ADGRG3: variants seen among roughly 807,000 people sequenced by gnomAD.
The protein encoded by ADGRG3 is G protein-coupled receptor 97.
A neutral mutation model predicts 54.3 loss-of-function variants in ADGRG3; 39 were observed. That is an observed-to-expected ratio of 0.72 (90% confidence interval 0.56 to 0.94). The LOEUF is 0.94. Ranked by LOEUF, ADGRG3 falls within the 40% of genes least tolerant of loss-of-function variation. The probability of loss-of-function intolerance (pLI) is 0.00; values close to 1 mark genes in which losing one functional copy is unlikely to be tolerated. For missense variants in ADGRG3, 654 were observed against 694.6 expected, an observed-to-expected ratio of 0.94 and a Z score of 0.66; for synonymous variants, 312 against 290.0, an observed-to-expected ratio of 1.08 and a Z score of -0.77.
At chr16:57,678,616 CA>C (rs1389715504) in intron 4 of ADGRG3, 1 of 460,764 alleles carries the variant, frequency 2.2e-6, no homozygotes, top group African/African-American at 1.9e-5. Flanking sequence ...CATGCACAAA[CA>C]TGCACATCCT....
chr16:57,676,099 T>C (rs2048257791), intron 2 of ADGRG3, 101 bp from the exon 3 acceptor site: 15 of 1,105,242 alleles, frequency 1.4e-5, no homozygotes, highest in Non-Finnish European at 2.0e-5. Context: ...CCAGGGTCTT[T>C]ACTTTGATAG....
At chr16:57,687,217 G>A (rs190165758) in intron 11 of ADGRG3, among the ~76,000 whole-genome samples, 437 of 151,480 alleles carry the variant, frequency 2.9e-3, no homozygotes, top group South Asian at 7.3e-3. Flanking sequence ...CATTCATCGC[G>A]AAATTGGGAT....
At position 57,668,330 on chromosome 16, in the gene ADGRG3, G is replaced by A; in HGVS notation, c.-18G>A. 1 of 1,559,842 alleles carries A rather than the reference G, an allele frequency of 6.4e-7. No homozygotes were observed. Among genetic ancestry groups the A allele is most frequent in the East Asian group, 2.3e-5 (1 of 43,158 alleles). The stretch of plus-strand genomic sequence containing the variant: ...CAGACAGCCACAGAGCTCCTGGCGT[G>A]GGCAAGGCTGGCCAAGGATGGCGAC... On this transcript the variant is annotated 5_prime_UTR_variant, in exon 1 of 12. Transcript: ENST00000333493.
Position 57,685,919 on chromosome 16 carries a change from C to G in ADGRG3, c.1533C>G (p.Ser511=). 6.2e-7 allele frequency: 1 copy of G among 1,613,660 alleles called. No homozygotes were observed. Among genetic ancestry groups the G allele is most frequent in the South Asian group, 1.1e-5 (1 of 91,078 alleles). Residue 511 remains serine (S), a synonymous_variant, in exon 11 of 12, where the codon TCC becomes TCG. Transcript: ENST00000333493. ...TCTACATCTTTGCACTTTTCAACTC[C>G]TTGCAAGGTGAGGCCCCTGCACCAG... ...STVYIFALFN[S]LQGVFICCWF... is the part of the protein sequence containing the mutation.
At position 57,679,276 on chromosome 16, in the gene ADGRG3, C is replaced by T; in HGVS notation, c.592C>T (p.Leu198=). Residue 198 remains leucine, a synonymous_variant, in exon 5 of 12, where the codon CTG becomes TTG. Transcript: ENST00000333493. ...GCATGTCACCAAGCTGGCTGAGCCTCTGGAGATCGTCTTCTCTCACCAGCG... is the reference window on the plus strand; with the variant it reads ...GCATGTCACCAAGCTGGCTGAGCCTTTGGAGATCGTCTTCTCTCACCAGCG... ...QMHVTKLAEP[L]EIVFSHQRPP... 1 of 1,614,014 alleles carries T rather than the reference C, an allele frequency of 6.2e-7. No homozygotes were observed. Among genetic ancestry groups the T allele is most frequent in the Non-Finnish European group, 8.5e-7 (1 of 1,179,936 alleles).
At chr16:57,676,364 C>A (rs1483418849) in intron 3 of ADGRG3, 26 bp downstream of exon 3, 2 of 1,607,976 alleles carry the variant, frequency 1.2e-6, no homozygotes, top group East Asian at 4.5e-5. Flanking sequence ...GCCCTCTTGG[C>A]TGGTTCGGAC....
At chr16:57,686,794 C>T (rs2048481185) in intron 11 of ADGRG3, 1 of 152,252 alleles carries the variant, frequency 6.6e-6, no homozygotes, top group Non-Finnish European at 1.5e-5. Context: ...ATGATGTCCA[C>T]ATGACATGGA....
rs1216763834 is a variant in ADGRG3, at chr16:57,676,247, A to T, written c.254A>T (p.Gln85Leu). The change falls in exon 3 of 12, where the codon CAG (glutamine) becomes CTG (leucine). Residue 85 changes from glutamine to leucine, a missense_variant. Transcript: ENST00000333493. ...EAHLMKEGLTQKVNTPFLKAL... is the reference protein window; with the variant it reads ...EAHLMKEGLTLKVNTPFLKAL... ...CATCTGATGAAGGAAGGTTTGACGC[A>T]GAAGGTGAACACGCCTTTCCTGAAG... The T allele has an allele frequency of 6.2e-7, 1 of 1,614,000 alleles. No individual in the cohort carries two copies. The highest frequency in any genetic ancestry group is 1.3e-5 in the African/African-American group (1 of 74,912).
At chr16:57,667,516 A>G (rs1156541107), upstream of ADGRG3, among the ~76,000 whole-genome samples, 1 of 152,264 alleles carries the variant, frequency 6.6e-6, no homozygotes, top group African/African-American at 2.4e-5. Flanking sequence ...TGATGATCAG[A>G]AATGATGTAA....
intron 3 of ADGRG3, among the ~76,000 whole-genome samples, chr16:57,677,443 A>C (rs1216241165): frequency 6.6e-6 from 1 of 151,730 alleles, no homozygotes; most frequent in Non-Finnish European, 1.5e-5. Flanking sequence ...TTAGCTGGGC[A>C]TGGTGGTGCA....
intron 3 of ADGRG3, among the ~76,000 whole-genome samples, chr16:57,677,173 C>A (rs1329577309): frequency 2.0e-5 from 3 of 152,186 alleles, no homozygotes; most frequent in Non-Finnish European, 2.9e-5. Context: ...AAAGTTGGGG[C>A]CTTCAGCTCC....
chr16:57,669,385 C>T (rs1261284915), intron 1 of ADGRG3, among the ~76,000 whole-genome samples: 1 of 152,184 alleles, frequency 6.6e-6, no homozygotes, highest in Non-Finnish European at 1.5e-5. Flanking sequence ...GCACTGTCCT[C>T]CTAGTGGCCC....
chr16:57,677,870 C>T (rs147164141), intron 3 of ADGRG3, among the ~76,000 whole-genome samples: 12 of 152,216 alleles, frequency 7.9e-5, no homozygotes, highest in African/African-American at 1.4e-4. Context: ...GCCCTCCAGC[C>T]GTCCTCATAC....
intron 6 of ADGRG3, 25 bp downstream of exon 6, chr16:57,679,880 G>A (rs1489300967): frequency 3.8e-6 from 6 of 1,580,496 alleles, no homozygotes; most frequent in Non-Finnish European, 4.3e-6. Flanking sequence ...ACCTTCTCTG[G>A]GGTAAGACAG....
chr16:57,673,455 G>C lies in ADGRG3; in HGVS notation c.193G>C (p.Glu65Gln). ...RQSGSDSCNV[E>Q]NLQRYWLNYE... ...GTCGGGCAGCGACTCCTGCAATGTG[G>C]AAAACTTGCAGAGGTGAGGGGGCCC... The change falls in exon 2 of 12, where the codon GAA becomes CAA. Residue 65 changes from glutamate to glutamine, a missense_variant. Coordinates refer to ENST00000333493, the MANE Select transcript of ADGRG3 (RefSeq NM_170776.5). 1 of 1,604,982 alleles carries C rather than the reference G, an allele frequency of 6.2e-7. No homozygotes were observed. The highest frequency in any genetic ancestry group is 8.5e-7 in the Non-Finnish European group (1 of 1,172,272).
intron 2 of ADGRG3, chr16:57,674,524 G>A (rs1304419813): frequency 6.7e-6 from 3 of 449,840 alleles, no homozygotes; most frequent in African/African-American, 2.0e-5. Flanking sequence ...CTTGGTGTTA[G>A]GACAGCCATC....
Position 57,679,283 on chromosome 16 carries a change from T to C in ADGRG3, c.599T>C (p.Ile200Thr), listed in dbSNP as rs1457636418. ...HVTKLAEPLE[I>T]VFSHQRPPPN... The stretch of plus-strand genomic sequence containing the variant: ...ACCAAGCTGGCTGAGCCTCTGGAGA[T>C]CGTCTTCTCTCACCAGCGACCGCCC... Residue 200 changes from isoleucine to threonine, a missense_variant, in exon 5 of 12, where the codon ATC becomes ACC. By Grantham distance (89) the Ile-to-Thr change is moderately conservative. Transcript: ENST00000333493. The C allele has an allele frequency of 1.2e-6, 2 of 1,613,772 alleles. No homozygotes were observed. The highest frequency in any genetic ancestry group is 1.7e-6 in the Non-Finnish European group (2 of 1,179,906).
intron 1 of ADGRG3, among the ~76,000 whole-genome samples, chr16:57,669,156 C>G (rs1164097023): frequency 2.0e-5 from 3 of 152,240 alleles, no homozygotes; most frequent in African/African-American, 7.2e-5. Context: ...GCTCCCTCCT[C>G]AGTGCTCCTG....
rs747037274 is a variant in ADGRG3, at chr16:57,679,257, C to T, written c.573C>T (p.Val191=). ...GTTTGAGTGTGGGACAAATGCATGTCACCAAGCTGGCTGAGCCTCTGGAGA... is the reference window on the plus strand; with the variant it reads ...GTTTGAGTGTGGGACAAATGCATGTTACCAAGCTGGCTGAGCCTCTGGAGA... The part of the protein sequence containing the change: ...LVGLSVGQMH[V]TKLAEPLEIV... Residue 191 remains valine, a synonymous_variant, in exon 5 of 12, where the codon GTC becomes GTT. Coordinates refer to ENST00000333493, the MANE Select transcript of ADGRG3 (RefSeq NM_170776.5). The T allele has an allele frequency of 6.2e-7, 1 of 1,614,028 alleles. No homozygotes were observed. Among genetic ancestry groups the T allele is most frequent in the South Asian group, 1.1e-5 (1 of 91,088 alleles).
Sources: gnomAD v4.1 joint callset for allele counts (sites outside exome capture counted in the v4.1 genomes callset) on GRCh38, gnomAD v4.1.1 for gene constraint, MANE v1.5 for transcripts, NCBI Gene and HGNC (gene_info 2026-07-23, HGNC 2026-07-21) for gene names.